The following JARID2 variants were observed in gnomAD, a reference collection of about 807,000 sequenced individuals.
JARID2 encodes protein Jumonji.
A neutral mutation model predicts 125.6 loss-of-function variants in JARID2; 21 were observed. That is an observed-to-expected ratio of 0.17 (90% CI 0.12 to 0.24). The LOEUF is 0.24. Ranked by LOEUF, JARID2 falls within the 10% of genes least tolerant of loss-of-function variation. The pLI is 1.00. For synonymous variants in JARID2, 736 were observed against 661.6 expected (o/e 1.11, Z -1.73); for missense variants, 1,303 against 1,639.6 (o/e 0.79, Z 3.55).
intron 1 of JARID2, among the ~76,000 whole-genome samples, chr6:15,302,694 G>A (rs1291635093): frequency 6.6e-6 from 1 of 152,078 alleles, no homozygotes; most frequent in Non-Finnish European, 1.5e-5. Context: ...ACCTCATTTT[G>A]TATCTGTTTA....
At chr6:15,429,048 T>C (rs2127597326) in intron 3 of JARID2, among the ~76,000 whole-genome samples, 1 of 151,832 alleles carries the variant, frequency 6.6e-6, no homozygotes, top group South Asian at 2.1e-4. Context: ...ATCATCCATA[T>C]GTGATTGTCT....
chr6:15,292,214 G>T (rs1044215805), intron 1 of JARID2, among the ~76,000 whole-genome samples: 1 of 151,910 alleles, frequency 6.6e-6, no homozygotes, highest in Non-Finnish European at 1.5e-5. Flanking sequence ...GTAGAGACGG[G>T]GTTTCACTGT....
intron 14 of JARID2, 90 bp from the exon 15 acceptor site, chr6:15,512,825 G>T: frequency 1.6e-6 from 2 of 1,279,744 alleles, no homozygotes; most frequent in South Asian, 1.4e-5. Flanking sequence ...TAGAAATTCA[G>T]ACAGCCTGCC....
intron 1 of JARID2, among the ~76,000 whole-genome samples, chr6:15,328,734 C>T (rs758773983): frequency 2.0e-5 from 3 of 152,178 alleles, no homozygotes; most frequent in Non-Finnish European, 2.9e-5. Flanking sequence ...TTCAGATGGT[C>T]AAGAAACACC....
In JARID2 at chr6:15,507,412, G is replaced by C; in HGVS notation, c.2727G>C (p.Val909=). The change falls in exon 11 of 18, where the codon GTG becomes GTC. Residue 909 remains valine, a synonymous_variant. Transcript: ENST00000341776. ...CCATCCTGCGTCACCTCGGTGCTGT[G>C]CCTGGTAAGCCTGACTGTGGCCGCC... ...TGSILRHLGA[V]PGVTIPWLNI... is the part of the protein sequence containing the mutation. 6.2e-7 allele frequency: 1 copy of C among 1,613,864 alleles called. No homozygotes were observed. Among genetic ancestry groups the C allele is most frequent in the Non-Finnish European group, 8.5e-7 (1 of 1,179,834 alleles).
chr6:15,258,489 G>T (rs1181687377), intron 1 of JARID2, among the ~76,000 whole-genome samples: 1 of 152,132 alleles, frequency 6.6e-6, no homozygotes, highest in East Asian at 1.9e-4. Flanking sequence ...AGTGCTTTAT[G>T]AACTGTGACT....
intron 3 of JARID2, among the ~76,000 whole-genome samples, chr6:15,423,116 C>T (rs1207963619): frequency 6.6e-6 from 1 of 151,880 alleles, no homozygotes; most frequent in Non-Finnish European, 1.5e-5. Context: ...CCTCCTGTCT[C>T]AGCCTCCAAG....
At chr6:15,507,539 G>GGACAT in intron 11 of JARID2, 123 bp downstream of exon 11, 1 of 712,064 alleles carries the variant, frequency 1.4e-6, no homozygotes, top group Non-Finnish European at 2.4e-6. Context: ...CAGGCTTACA[G>GGACAT]GACATACAGT....
chr6:15,444,439 T>A (rs1767578351), intron 3 of JARID2, among the ~76,000 whole-genome samples: 1 of 152,082 alleles, frequency 6.6e-6, no homozygotes, highest in Non-Finnish European at 1.5e-5. Context: ...TGCATTTGAA[T>A]TTGGTGGGCA....
intron 3 of JARID2, among the ~76,000 whole-genome samples, chr6:15,438,050 G>GT (rs1422097204): frequency 9.9e-5 from 15 of 152,200 alleles, no homozygotes; most frequent in African/African-American, 3.6e-4. Flanking sequence ...TGGGTATGAA[G>GT]TTACTATGGC....
chr6:15,261,989 T>G (rs1292375117), intron 1 of JARID2, among the ~76,000 whole-genome samples: 1 of 150,328 alleles, frequency 6.7e-6, no homozygotes, highest in Non-Finnish European at 1.5e-5. Context: ...ACCGTGCAGG[T>G]CAGGCTGGTT....
intron 2 of JARID2, among the ~76,000 whole-genome samples, chr6:15,398,188 T>C (rs943037090): frequency 6.6e-6 from 1 of 152,236 alleles, no homozygotes; most frequent in Admixed American, 6.5e-5. Context: ...TTTGAGTAGT[T>C]TGGTTTGGCA....
intron 2 of JARID2, among the ~76,000 whole-genome samples, chr6:15,382,291 G>T (rs1212966518): frequency 6.6e-6 from 1 of 152,162 alleles, no homozygotes; most frequent in Non-Finnish European, 1.5e-5. Flanking sequence ...CCAAACGAGT[G>T]TATGGGTGAG....
chr6:15,257,816 T>C (rs576635588), intron 1 of JARID2, among the ~76,000 whole-genome samples: 1 of 152,270 alleles, frequency 6.6e-6, no homozygotes, highest in African/African-American at 2.4e-5. Context: ...GTCAGTTGAG[T>C]TTTATTTAAG....
At chr6:15,516,054 G>T (rs9396591) in intron 16 of JARID2, among the ~76,000 whole-genome samples, 1 of 150,766 alleles carries the variant, frequency 6.6e-6, no homozygotes, top group Non-Finnish European at 1.5e-5. Flanking sequence ...TGACTTATAC[G>T]TTGACAGTTT....
At chr6:15,456,878 CTTTTTTTTTTTT>C (rs71535043) in intron 4 of JARID2, among the ~76,000 whole-genome samples, 2 of 95,672 alleles carry the variant, frequency 2.1e-5, no homozygotes, top group Non-Finnish European at 3.9e-5. Context: ...GGATGTTAAG[CTTTTTTTTTTTT>C]TTTTTTTTAC....
At chr6:15,366,891 CCTG>C (rs1380602012) in intron 1 of JARID2, among the ~76,000 whole-genome samples, 11 of 152,102 alleles carry the variant, frequency 7.2e-5, no homozygotes, top group Admixed American at 3.3e-4. Flanking sequence ...CACTTACAAT[CCTG>C]CTATGTCTAT....
intron 16 of JARID2, among the ~76,000 whole-genome samples, chr6:15,514,899 GT>G (rs1000229320): frequency 1.3e-5 from 2 of 152,062 alleles, no homozygotes; most frequent in African/African-American, 2.4e-5. Flanking sequence ...CTTCTGTCTG[GT>G]TTTTTCCCCC....
chr6:15,479,099 C>T (rs774088307), intron 5 of JARID2, among the ~76,000 whole-genome samples: 2 of 152,208 alleles, frequency 1.3e-5, no homozygotes, highest in African/African-American at 2.4e-5. Context: ...TGATAAAGCA[C>T]GAGAGCCTTG....
Sources: gnomAD v4.1 joint callset for allele counts (sites outside exome capture counted in the v4.1 genomes callset) on GRCh38, gnomAD v4.1.1 for gene constraint, MANE v1.5 for transcripts, NCBI Gene and HGNC (gene_info 2026-07-23, HGNC 2026-07-21) for gene names.